Variants in ZNF382 observed in about 807,000 individuals in gnomAD.
ZNF382 encodes the protein zinc finger protein 382.
ZNF382 carries 20 observed loss-of-function variants against 38.8 expected under a neutral mutation model. That is an observed-to-expected ratio of 0.51 (90% CI 0.36 to 0.75). The LOEUF (loss-of-function observed/expected upper bound fraction) is 0.75. ZNF382 is among the 30% of genes least tolerant of loss of function. The pLI is 0.00. For synonymous variants in ZNF382, 202 were observed against 223.1 expected (o/e 0.91, Z 0.84); for missense variants, 546 against 654.1 (o/e 0.83, Z 1.80).
chr19:36,610,688 G>T lies in ZNF382; in HGVS notation c.178G>T (p.Glu60Ter). The T allele has an allele frequency of 6.2e-7, 1 of 1,613,322 alleles. No individual in the cohort carries two copies. The highest frequency in any genetic ancestry group is 8.5e-7 in the Non-Finnish European group (1 of 1,179,584). The stretch of plus-strand genomic sequence containing the variant: ...TAAGCCTGATATGATCCGCAAGTTG[G>T]AACAAGGAGAAGAGCTATGGACACA... Reference protein sequence around the residue: ...MAKPDMIRKLEQGEELWTQRI... With the variant: ...MAKPDMIRKL Residue 60 changes from glutamate to a stop codon, truncating the protein, a stop_gained, in exon 4 of 5, where the codon GAA becomes TAA. Coordinates refer to ENST00000292928, the MANE Select transcript of ZNF382 (RefSeq NM_032825.5). LOFTEE classifies it high-confidence loss of function.
chr19:36,610,264 T>C (rs2037066695), intron 3 of ZNF382, among the ~76,000 whole-genome samples: 1 of 152,094 alleles, frequency 6.6e-6, no homozygotes, highest in Non-Finnish European at 1.5e-5. Flanking sequence ...AAGACCAGCC[T>C]GGCCAACATG....
rs1400555623 is a variant in ZNF382 at position 36,632,954 on chromosome 19, T to A, written c.*5404T>A. On this transcript the variant is annotated 3_prime_UTR_variant, in exon 5 of 5. Transcript: ENST00000292928. ...GGCTTGCCATGTCCTGCTTCACAAG[T>A]AATGTGCAACAGCAAAAGCACAGGC... 2.0e-5 allele frequency: 3 copies of A among 152,060 alleles called. No homozygotes were observed. Among genetic ancestry groups the A allele is most frequent in the African/African-American group, 7.2e-5 (3 of 41,404 alleles). 9.4% of individuals were successfully genotyped at this position (152,060 alleles called of 1,614,324 possible).
chr19:36,612,344 G>A (rs2037084202), intron 4 of ZNF382, among the ~76,000 whole-genome samples: 1 of 152,206 alleles, frequency 6.6e-6, no homozygotes, highest in South Asian at 2.1e-4. Context: ...ACCAGTTTAT[G>A]CATCTCTTGT....
At chr19:36,613,886 G>C (rs555161045) in intron 4 of ZNF382, among the ~76,000 whole-genome samples, 37 of 152,212 alleles carry the variant, frequency 2.4e-4, no homozygotes, top group African/African-American at 3.9e-4. Flanking sequence ...TGATCATAGA[G>C]AAAATTGATC....
At chr19:36,610,816 A>G (rs1480539217) in intron 4 of ZNF382, 74 bp downstream of exon 4, 25 of 1,143,034 alleles carry the variant, frequency 2.2e-5, no homozygotes, top group Non-Finnish European at 3.1e-5. Flanking sequence ...TTAGGGATCT[A>G]TTTTTGTTAT....
In ZNF382 at chr19:36,633,039, A is replaced by C. The variant is rs1237148989; in HGVS notation, c.*5489A>C. ...TCTAGATATTTATCAGTTTATAATC[A>C]GGCTTTTTTTTTTTTTTTGAGACAG... On this transcript the variant is annotated 3_prime_UTR_variant, in exon 5 of 5. Transcript: ENST00000292928. The C allele has an allele frequency of 7.3e-6, 1 of 137,518 alleles. No individual in the cohort carries two copies. The highest frequency in any genetic ancestry group is 1.5e-5 in the Non-Finnish European group (1 of 64,986). 8.5% of individuals were successfully genotyped at this position (137,518 alleles called of 1,614,324 possible).
chr19:36,616,330 T>C (rs566774305), intron 4 of ZNF382, among the ~76,000 whole-genome samples: 8 of 152,282 alleles, frequency 5.3e-5, no homozygotes, highest in African/African-American at 1.4e-4. Flanking sequence ...TATGCACTAC[T>C]GCACTCCAGC....
intron 4 of ZNF382, among the ~76,000 whole-genome samples, chr19:36,617,303 C>T (rs1353722260): frequency 1.3e-5 from 2 of 152,154 alleles, no homozygotes; most frequent in Admixed American, 6.5e-5. Context: ...TGTAACCCAA[C>T]TTCATATAAA....
rs2037043539 is a variant in ZNF382 at position 36,607,426 on chromosome 19, A to C, written c.-84-126A>C. The C allele has an allele frequency of 6.7e-6, 4 of 598,898 alleles. No homozygotes were observed. The South Asian group carries it at 8.2e-5, about 12-fold the overall frequency. The allele number at this position is 598,898 out of a possible 1,614,324, so 37.1% of individuals were successfully genotyped here. ...CACTAACTACCATCCTGGACATCTG[A>C]AGGGTACACAGGGTGGACAAGTGCT... On this transcript the variant is annotated intron_variant, in intron 1 of 4. Transcript: ENST00000292928.
intron 4 of ZNF382, among the ~76,000 whole-genome samples, chr19:36,612,563 T>C (rs980837018): frequency 4.6e-5 from 7 of 152,260 alleles, no homozygotes; most frequent in Admixed American, 6.5e-5. Context: ...AAAACTACTA[T>C]ACCATTTTAG....
rs1160336818 is a variant in ZNF382, at chr19:36,628,548, A to C, written c.*998A>C. 5 of 152,776 alleles carry C rather than the reference A, an allele frequency of 3.3e-5. No homozygotes were observed. Among genetic ancestry groups the C allele is most frequent in the Admixed American group, 3.3e-4 (5 of 15,282 alleles). 9.5% of individuals were successfully genotyped at this position (152,776 alleles called of 1,614,324 possible). The stretch of plus-strand genomic sequence containing the variant: ...TATATGTAGAAAAACATTTAGCCAC[A>C]GCCCAAATCTTCCAGGCAAATGTAA... On this transcript the variant is annotated 3_prime_UTR_variant, in exon 5 of 5. Coordinates refer to ENST00000292928, the MANE Select transcript of ZNF382 (RefSeq NM_032825.5).
At chr19:36,613,328 AAACAAATATTTGTCTTTTTCTAG>A (rs1232643070) in intron 4 of ZNF382, among the ~76,000 whole-genome samples, 3 of 151,976 alleles carry the variant, frequency 2.0e-5, no homozygotes, top group African/African-American at 4.8e-5. Flanking sequence ...GTGACCTCTC[AAACAAATATTTGTCTTTTTCTAG>A]GTATAGTGAG....
Position 36,626,933 on chromosome 19 carries a change from C to G in ZNF382, c.1036C>G (p.His346Asp). 6.2e-7 allele frequency: 1 copy of G among 1,614,224 alleles called. No homozygotes were observed. The highest frequency in any genetic ancestry group is 8.5e-7 in the Non-Finnish European group (1 of 1,180,020). Residue 346 changes from histidine to aspartate, a missense_variant, in exon 5 of 5, where the codon CAT becomes GAT. Transcript: ENST00000292928. ...AGCCCTCACCCTTCATGAGAAAACA[C>G]ATATAGAGGGGAAACCCTTTATTTG... ...KTALTLHEKT[H>D]IEGKPFICID...
chr19:36,627,987 T>G lies in ZNF382; in HGVS notation c.*437T>G, dbSNP rs996578601. Reference sequence around the variant, plus strand: ...TACAAAATAAAAATTAGTTGTTACCTCCTCACAGTTGACCATGATTCTGAC... The same window carrying G: ...TACAAAATAAAAATTAGTTGTTACCGCCTCACAGTTGACCATGATTCTGAC... On this transcript the variant is annotated 3_prime_UTR_variant, in exon 5 of 5. Transcript: ENST00000292928. 6 of 158,582 alleles carry G rather than the reference T, an allele frequency of 3.8e-5. No homozygotes were observed. The highest frequency in any genetic ancestry group is 8.4e-5 in the Non-Finnish European group (6 of 71,426). 9.8% of individuals were successfully genotyped at this position (158,582 alleles called of 1,614,324 possible). A position where few individuals can be genotyped will look rare whatever the true frequency, so the allele number is the denominator to read the frequency against.
intron 4 of ZNF382, among the ~76,000 whole-genome samples, chr19:36,621,012 G>A (rs941587427): frequency 3.3e-5 from 5 of 152,066 alleles, no homozygotes; most frequent in South Asian, 4.1e-4. Flanking sequence ...GCCCACCTTC[G>A]CCTCCGACAG....
intron 4 of ZNF382, among the ~76,000 whole-genome samples, chr19:36,624,340 A>G (rs1314497869): frequency 5.3e-5 from 8 of 152,184 alleles, no homozygotes; most frequent in Admixed American, 5.2e-4. Flanking sequence ...CTTGTTGCTG[A>G]GGTAGTATTC....
intron 4 of ZNF382, among the ~76,000 whole-genome samples, chr19:36,622,499 A>G (rs1467183310): frequency 1.3e-5 from 2 of 152,204 alleles, no homozygotes; most frequent in African/African-American, 4.8e-5. Flanking sequence ...GGAGTCATGG[A>G]TATCAATCCT....
chr19:36,627,001 T>C lies in ZNF382; in HGVS notation c.1104T>C (p.Thr368=). 6.2e-7 allele frequency: 1 copy of C among 1,614,046 alleles called. No individual in the cohort carries two copies. ...CCTTCCGCCAGAAGGCCACCCTCAC[T>C]AGACATCACAAAACACATACGGGGG... ...GKSFRQKATL[T]RHHKTHTGEK... Residue 368 remains threonine (T), a synonymous_variant, in exon 5 of 5, where the codon ACT becomes ACC. Transcript: ENST00000292928.
At position 36,629,978 on chromosome 19, in the gene ZNF382, C is replaced by A. The variant is rs1443213644; in HGVS notation, c.*2428C>A. On this transcript the variant is annotated 3_prime_UTR_variant, in exon 5 of 5. Coordinates refer to ENST00000292928, the MANE Select transcript of ZNF382 (RefSeq NM_032825.5). ...ATATATGGATTCTAGAGTCAATGAG[C>A]AAAGGTATTGTTGTTACTAATAGGT... 1 of 152,004 alleles carries A rather than the reference C, an allele frequency of 6.6e-6. No homozygotes were observed. The highest frequency in any genetic ancestry group is 1.5e-5 in the Non-Finnish European group (1 of 67,992). The allele number at this position is 152,004 out of a possible 1,614,324, so 9.4% of individuals were successfully genotyped here. A position where few individuals can be genotyped will look rare whatever the true frequency, so the allele number is the denominator to read the frequency against.
Sources: gnomAD v4.1 joint callset for allele counts (sites outside exome capture counted in the v4.1 genomes callset) on GRCh38, gnomAD v4.1.1 for gene constraint, MANE v1.5 for transcripts, NCBI Gene and HGNC (gene_info 2026-07-23, HGNC 2026-07-21) for gene names.